The following CSMD3 variants were observed in gnomAD, a reference collection of about 807,000 sequenced individuals.
CSMD3 encodes CUB and Sushi multiple domains 3.
In CSMD3, 177 loss-of-function variants were observed where a neutral mutation model predicts 435.2. The ratio of observed to expected loss-of-function variants is 0.41; its 90% CI spans 0.36 to 0.46. The LOEUF (loss-of-function observed/expected upper bound fraction) is 0.46, where lower values mean the gene tolerates loss of function less well. Among genes scored for constraint, CSMD3 ranks in the 20% least tolerant of loss-of-function variants. The pLI is 0.34. For synonymous variants in CSMD3, 1,656 were observed against 1,520.5 expected, an observed-to-expected ratio of 1.09 and a Z score of -2.07; for missense variants, 4,265 against 4,504.6, an observed-to-expected ratio of 0.95 and a Z score of 1.52.
chr8:113,295,497 C>T (rs1294270990), intron 2 of CSMD3, among the ~76,000 whole-genome samples: 9 of 152,028 alleles, frequency 5.9e-5, no homozygotes, highest in Non-Finnish European at 1.3e-4. Flanking sequence ...AAAATATTAG[C>T]TATCTAAAGG....
chr8:112,815,956 G>A (rs578006703), intron 12 of CSMD3, among the ~76,000 whole-genome samples: 1 of 152,172 alleles, frequency 6.6e-6, no homozygotes, highest in South Asian at 2.1e-4. Context: ...CAGATCATAT[G>A]GATAACTACA....
chr8:112,927,065 A>G (rs1025448296), intron 9 of CSMD3, among the ~76,000 whole-genome samples: 1 of 152,182 alleles, frequency 6.6e-6, no homozygotes, highest in Non-Finnish European at 1.5e-5. Context: ...GAAAATAACT[A>G]TTACCAAAAT....
At chr8:113,425,923 A>T (rs1324795490) in intron 1 of CSMD3, among the ~76,000 whole-genome samples, 1 of 151,578 alleles carries the variant, frequency 6.6e-6, no homozygotes, top group Non-Finnish European at 1.5e-5. Context: ...CATTTGAATC[A>T]GTTCAGCTGT....
chr8:113,228,122 A>G (rs2093048262), intron 3 of CSMD3, among the ~76,000 whole-genome samples: 1 of 151,622 alleles, frequency 6.6e-6, no homozygotes, highest in Admixed American at 6.6e-5. Flanking sequence ...ATGTAATAAC[A>G]TAATAATATA....
chr8:112,585,546 T>A (rs752864381), intron 23 of CSMD3, among the ~76,000 whole-genome samples: 1 of 151,642 alleles, frequency 6.6e-6, no homozygotes, highest in Non-Finnish European at 1.5e-5. Context: ...TAAGACCTTT[T>A]AGAAAGTTTT....
chr8:113,159,077 G>A (rs1020242901), intron 4 of CSMD3, among the ~76,000 whole-genome samples: 1 of 151,802 alleles, frequency 6.6e-6, no homozygotes, highest in Admixed American at 6.6e-5. Context: ...AAAATAATCT[G>A]TTCCTTAAAG....
intron 19 of CSMD3, among the ~76,000 whole-genome samples, chr8:112,648,317 G>T (rs2075037243): frequency 6.6e-6 from 1 of 152,142 alleles, no homozygotes; most frequent in Non-Finnish European, 1.5e-5. Flanking sequence ...ACACAGCTTA[G>T]ACATTTTTTA....
chr8:113,401,251 C>T (rs1433812939), intron 1 of CSMD3, among the ~76,000 whole-genome samples: 1 of 151,484 alleles, frequency 6.6e-6, no homozygotes, highest in Non-Finnish European at 1.5e-5. Flanking sequence ...AAGGTATTTC[C>T]TTTATAATAC....
chr8:112,546,374 T>TA (rs757156352), intron 27 of CSMD3, among the ~76,000 whole-genome samples: 8 of 152,130 alleles, frequency 5.3e-5, no homozygotes, highest in Non-Finnish European at 1.2e-4. Context: ...AGTCGACTGT[T>TA]AGAGCAGTGC....
intron 1 of CSMD3, among the ~76,000 whole-genome samples, chr8:113,372,543 C>T (rs1267902423): frequency 6.6e-6 from 1 of 152,124 alleles, no homozygotes; most frequent in African/African-American, 2.4e-5. Flanking sequence ...AGGGGGAGTC[C>T]TGATCTTATC....
chr8:112,367,660 A>T (rs1455797915), intron 38 of CSMD3, among the ~76,000 whole-genome samples: 1 of 152,180 alleles, frequency 6.6e-6, no homozygotes, highest in Non-Finnish European at 1.5e-5. Context: ...TCCCTTGTGA[A>T]CCAATGCAAC....
Position 113,277,670 on chromosome 8 carries a change from T to C in CSMD3, c.514+922A>G, listed in dbSNP as rs570727899. Among the ~76,000 whole-genome samples, 3 of 152,066 alleles carry C rather than the reference T, an allele frequency of 2.0e-5. No individual in the cohort carries two copies. In the East Asian group the frequency reaches 5.8e-4, roughly 29 times the overall value. ...TATCTCTTTATGATAATGTTAGACCTGATGTGATAAATTCTGTAATATGGT... is the reference window on the plus strand; with the variant it reads ...TATCTCTTTATGATAATGTTAGACCCGATGTGATAAATTCTGTAATATGGT... On this transcript the variant is annotated intron_variant, in intron 3 of 70. Transcript: ENST00000297405.
chr8:112,393,788 C>G (rs1830639749), intron 35 of CSMD3, among the ~76,000 whole-genome samples: 1 of 152,128 alleles, frequency 6.6e-6, no homozygotes, highest in South Asian at 2.1e-4. Flanking sequence ...ATAATTAGCT[C>G]TCACTGTTGA....
intron 13 of CSMD3, among the ~76,000 whole-genome samples, chr8:112,779,166 T>TGTGTGTGTGTGTTTGC (rs1272177749): frequency 7.5e-6 from 1 of 133,282 alleles, no homozygotes; most frequent in Non-Finnish European, 1.6e-5. Context: ...CAAAGATGTG[T>TGTGTGTGTGTGTTTGC]GTGTGTGTGT....
chr8:113,283,668 T>C (rs148226559), intron 2 of CSMD3, among the ~76,000 whole-genome samples: 3 of 152,080 alleles, frequency 2.0e-5, no homozygotes, highest in African/African-American at 7.2e-5. Context: ...AAAAACAGTG[T>C]GGAGATTCCT....
At chr8:113,336,003 T>C (rs1269540341) in intron 1 of CSMD3, among the ~76,000 whole-genome samples, 1 of 152,106 alleles carries the variant, frequency 6.6e-6, no homozygotes, top group Non-Finnish European at 1.5e-5. Flanking sequence ...TTTAAGTATG[T>C]CTTTAGTCCT....
chr8:112,491,800 A>C (rs2130848224), intron 31 of CSMD3, among the ~76,000 whole-genome samples: 1 of 152,230 alleles, frequency 6.6e-6, no homozygotes, highest in South Asian at 2.1e-4. Flanking sequence ...TTTATGATTC[A>C]CTGTTGGTGA....
intron 10 of CSMD3, among the ~76,000 whole-genome samples, chr8:112,869,264 G>A (rs2081066656): frequency 6.6e-6 from 1 of 152,288 alleles, no homozygotes; most frequent in South Asian, 2.1e-4. Flanking sequence ...GGTTGAATGA[G>A]AGGATTAGAC....
intron 5 of CSMD3, among the ~76,000 whole-genome samples, chr8:113,073,027 C>G (rs1245844548): frequency 8.9e-6 from 1 of 112,886 alleles, no homozygotes; most frequent in Non-Finnish European, 1.6e-5. Flanking sequence ...GGAAAAAAAC[C>G]TTCAGAAAAA....
Sources: gnomAD v4.1 joint callset for allele counts (sites outside exome capture counted in the v4.1 genomes callset) on GRCh38, gnomAD v4.1.1 for gene constraint, MANE v1.5 for transcripts, NCBI Gene and HGNC (gene_info 2026-07-23, HGNC 2026-07-21) for gene names.